The following SND1 variants were observed in gnomAD, a reference collection of about 807,000 sequenced individuals.
SND1 encodes the protein staphylococcal nuclease and tudor domain containing 1.
Under a neutral mutation model 121.7 loss-of-function variants are expected in SND1, and 38 were observed. The observed-to-expected ratio is 0.31, with a 90% CI of 0.24 to 0.41. The LOEUF (loss-of-function observed/expected upper bound fraction) is 0.41. Among genes scored for constraint, SND1 ranks in the 10% least tolerant of loss-of-function variants. The probability of loss-of-function intolerance (pLI) is 1.00; values close to 1 mark genes in which losing one functional copy is unlikely to be tolerated. For missense variants in SND1, 868 were observed against 1,184.6 expected (o/e 0.73, Z 3.92); for synonymous variants, 401 against 447.4 (o/e 0.90, Z 1.31).
At chr7:127,940,641 A>G (rs1248963308) in intron 15 of SND1, among the ~76,000 whole-genome samples, 1 of 152,202 alleles carries the variant, frequency 6.6e-6, no homozygotes, top group African/African-American at 2.4e-5. Context: ...TAAAAAATAA[A>G]TAAATAAAAC....
At chr7:127,756,172 T>C (rs1007544923) in intron 10 of SND1, among the ~76,000 whole-genome samples, 7 of 152,220 alleles carry the variant, frequency 4.6e-5, no homozygotes, top group Admixed American at 3.9e-4. Flanking sequence ...TTGTCTTAAA[T>C]GTGTCTAGAG....
intron 10 of SND1, among the ~76,000 whole-genome samples, chr7:127,729,439 CTTTTTT>C (rs10712716): frequency 1.0e-5 from 1 of 97,356 alleles, no homozygotes; most frequent in Admixed American, 1.1e-4. Flanking sequence ...AGATAAATTA[CTTTTTT>C]TTTTTTTTTT....
chr7:127,730,215 C>T (rs994353863), intron 10 of SND1, among the ~76,000 whole-genome samples: 6 of 152,218 alleles, frequency 3.9e-5, no homozygotes, highest in African/African-American at 1.4e-4. Flanking sequence ...GATCCACCCG[C>T]CCCGGCTTCC....
At chr7:127,872,628 GCACACACACACACACA>G (rs56324746) in intron 12 of SND1, among the ~76,000 whole-genome samples, 52 of 139,964 alleles carry the variant, frequency 3.7e-4, no homozygotes, top group Admixed American at 3.2e-3. Context: ...TAACACACAC[GCACACACACACACACA>G]CACACACACA....
At chr7:128,031,297 CCGGCGGCCCCGGCCCGCT>C (rs1471214179) in intron 16 of SND1, among the ~76,000 whole-genome samples, 52 of 150,866 alleles carry the variant, frequency 3.4e-4, no homozygotes, top group Admixed American at 7.3e-4. Flanking sequence ...AAAGTGCGCT[CCGGCGGCCCCGGCCCGCT>C]CTGCGGGCCG....
chr7:127,767,300 A>G (rs1239115369), intron 10 of SND1, among the ~76,000 whole-genome samples: 1 of 152,176 alleles, frequency 6.6e-6, no homozygotes, highest in Non-Finnish European at 1.5e-5. Flanking sequence ...GAGATTTCCA[A>G]CCAGATGCTT....
intron 6 of SND1, 147 bp from the exon 7 acceptor site, chr7:127,703,018 G>C (rs1453208351): frequency 1.3e-6 from 1 of 787,982 alleles, no homozygotes; most frequent in Non-Finnish European, 2.1e-6. Context: ...CTTTTTACCA[G>C]TGTGTTTTAA....
intron 12 of SND1, among the ~76,000 whole-genome samples, chr7:127,846,759 G>A (rs370016040): frequency 1.1e-4 from 17 of 151,766 alleles, no homozygotes; most frequent in East Asian, 3.9e-4. Flanking sequence ...TTTATCAGGC[G>A]GCCCCCAGAA....
chr7:127,700,623 G>A (rs1796084754), intron 4 of SND1, among the ~76,000 whole-genome samples: 1 of 152,196 alleles, frequency 6.6e-6, no homozygotes, highest in Non-Finnish European at 1.5e-5. Flanking sequence ...CCTGATGAAG[G>A]AGGAGGCTTC....
intron 2 of SND1, among the ~76,000 whole-genome samples, chr7:127,687,455 C>A (rs1163415535): frequency 2.6e-5 from 4 of 152,070 alleles, no homozygotes; most frequent in African/African-American, 9.7e-5. Flanking sequence ...TCTTTTAATT[C>A]TCACCCCCCT....
chr7:127,802,474 A>C (rs1422315830), intron 10 of SND1, among the ~76,000 whole-genome samples: 1 of 152,144 alleles, frequency 6.6e-6, no homozygotes, highest in East Asian at 1.9e-4. Context: ...TGCTTGCCTT[A>C]GTTTGTGGCA....
chr7:127,673,968 AAG>A (rs1279235189), intron 1 of SND1, among the ~76,000 whole-genome samples: 1 of 151,798 alleles, frequency 6.6e-6, no homozygotes, highest in Non-Finnish European at 1.5e-5. Flanking sequence ...TTTAGCAGAG[AAG>A]AGTTTTCCTT....
intron 14 of SND1, among the ~76,000 whole-genome samples, chr7:127,912,390 G>A (rs974641094): frequency 3.9e-5 from 6 of 152,038 alleles, no homozygotes; most frequent in Non-Finnish European, 4.4e-5. Flanking sequence ...TTTAGGACAT[G>A]GTTTCTCACT....
intron 10 of SND1, among the ~76,000 whole-genome samples, chr7:127,725,441 C>A (rs1263113391): frequency 6.6e-6 from 1 of 152,162 alleles, no homozygotes; most frequent in African/African-American, 2.4e-5. Flanking sequence ...TGCCAGGTAC[C>A]CTTCTGCAAG....
At chr7:127,667,126 A>C (rs575444524) in intron 1 of SND1, among the ~76,000 whole-genome samples, 46 of 152,298 alleles carry the variant, frequency 3.0e-4, no homozygotes, top group African/African-American at 1.1e-3. Context: ...AGTATCATAG[A>C]AGCTGACTTA....
At chr7:127,968,456 C>A (rs907595473) in intron 15 of SND1, among the ~76,000 whole-genome samples, 2 of 152,128 alleles carry the variant, frequency 1.3e-5, no homozygotes, top group South Asian at 2.1e-4. Context: ...AAATAGTCCA[C>A]TTTTTACTCT....
intron 10 of SND1, among the ~76,000 whole-genome samples, chr7:127,764,194 C>T (rs886210318): frequency 4.6e-5 from 7 of 152,052 alleles, no homozygotes; most frequent in African/African-American, 1.4e-4. Flanking sequence ...TGAATATTAG[C>T]GATTTCATAA....
intron 16 of SND1, among the ~76,000 whole-genome samples, chr7:128,055,098 C>T (rs868067079): frequency 6.6e-6 from 1 of 152,096 alleles, no homozygotes; most frequent in Non-Finnish European, 1.5e-5. Flanking sequence ...TTATAAACTT[C>T]GTGGTTTTGT....
At chr7:127,717,166 CATT>C (rs1370386561) in intron 9 of SND1, among the ~76,000 whole-genome samples, 1 of 152,156 alleles carries the variant, frequency 6.6e-6, no homozygotes, top group Non-Finnish European at 1.5e-5. Flanking sequence ...TTTCCTCTGT[CATT>C]AATATTTTAC....
Sources: gnomAD v4.1 joint callset for allele counts (sites outside exome capture counted in the v4.1 genomes callset) on GRCh38, gnomAD v4.1.1 for gene constraint, MANE v1.5 for transcripts, NCBI Gene and HGNC (gene_info 2026-07-23, HGNC 2026-07-21) for gene names.